ACSS3: variants seen among roughly 807,000 people sequenced by gnomAD.
The protein encoded by ACSS3 is acyl-CoA synthetase short chain family member 3.
In ACSS3, 64 loss-of-function variants were observed where a neutral mutation model predicts 84.2. The ratio of observed to expected loss-of-function variants is 0.76; its 90% CI spans 0.62 to 0.94. The LOEUF (loss-of-function observed/expected upper bound fraction) is 0.94. Ranked by LOEUF, ACSS3 falls within the 40% of genes least tolerant of loss-of-function variation. The pLI is 0.00. For synonymous variants in ACSS3, 317 were observed against 310.1 expected, an observed-to-expected ratio of 1.02 and a Z score of -0.23; for missense variants, 815 against 867.6, an observed-to-expected ratio of 0.94 and a Z score of 0.76.
intron 1 of ACSS3, among the ~76,000 whole-genome samples, chr12:81,084,014 G>C (rs1437270215): frequency 1.3e-5 from 2 of 152,108 alleles, no homozygotes; most frequent in African/African-American, 4.8e-5. Flanking sequence ...CGATGGGTCA[G>C]TATTCCTGCA....
chr12:81,159,323 A>G (rs12812264), intron 7 of ACSS3, among the ~76,000 whole-genome samples: 69,730 of 151,914 alleles, frequency 0.46, 16,544 homozygotes, highest in Middle Eastern at 0.53. Flanking sequence ...CCTAGGAAAA[A>G]AGGAACAAAA....
intron 3 of ACSS3, among the ~76,000 whole-genome samples, chr12:81,135,711 T>C (rs906959303): frequency 9.2e-5 from 14 of 151,860 alleles, no homozygotes; most frequent in African/African-American, 2.9e-4. Flanking sequence ...AAACTACCTA[T>C]TGGATACAAT....
At chr12:81,199,471 A>G in intron 9 of ACSS3, 27 bp downstream of exon 9, 1 of 1,590,324 alleles carries the variant, frequency 6.3e-7, no homozygotes, top group Non-Finnish European at 8.6e-7. Context: ...CATGTACATA[A>G]ATAGTAAAGA....
intron 8 of ACSS3, among the ~76,000 whole-genome samples, chr12:81,190,620 T>C (rs2031520329): frequency 6.6e-6 from 1 of 152,024 alleles, no homozygotes; most frequent in African/African-American, 2.4e-5. Context: ...ATTCCTAGGA[T>C]CCTCCAGTAA....
intron 15 of ACSS3, 24 bp downstream of exon 15, chr12:81,253,694 C>A (rs751547376): frequency 6.3e-7 from 1 of 1,598,420 alleles, no homozygotes; most frequent in South Asian, 1.1e-5. Context: ...GATATTTATT[C>A]CTGGGTTCTA....
chr12:81,251,841 TCAAA>T (rs2034165825), intron 13 of ACSS3, among the ~76,000 whole-genome samples: 2 of 151,982 alleles, frequency 1.3e-5, no homozygotes, highest in African/African-American at 4.8e-5. Context: ...AGATCTTGTC[TCAAA>T]CAAATAAACA....
intron 2 of ACSS3, 100 bp from the exon 3 acceptor site, chr12:81,134,716 C>T (rs1885694706): frequency 2.8e-6 from 3 of 1,084,954 alleles, no homozygotes; most frequent in Admixed American, 7.3e-5. Flanking sequence ...CTTTAATCTA[C>T]TACCAAGCGG....
chr12:81,226,837 T>C (rs2033289519), intron 11 of ACSS3, among the ~76,000 whole-genome samples: 1 of 151,870 alleles, frequency 6.6e-6, no homozygotes, highest in African/African-American at 2.4e-5. Flanking sequence ...TCACACCAGC[T>C]TTAGCACTCT....
chr12:81,127,509 G>A (rs1885182042), intron 2 of ACSS3, among the ~76,000 whole-genome samples: 1 of 152,096 alleles, frequency 6.6e-6, no homozygotes, highest in African/African-American at 2.4e-5. Flanking sequence ...AAAGTAAGGT[G>A]CAAGTATTTT....
At chr12:81,164,519 A>G (rs918178749) in intron 7 of ACSS3, among the ~76,000 whole-genome samples, 6 of 152,240 alleles carry the variant, frequency 3.9e-5, no homozygotes, top group Non-Finnish European at 7.3e-5. Context: ...CAAATATGCA[A>G]GTCTCATATT....
intron 1 of ACSS3, among the ~76,000 whole-genome samples, chr12:81,096,734 T>C (rs934755456): frequency 6.6e-6 from 1 of 152,054 alleles, no homozygotes; most frequent in Non-Finnish European, 1.5e-5. Flanking sequence ...TGGTTTTCTG[T>C]TCCTGTGTTA....
intron 1 of ACSS3, among the ~76,000 whole-genome samples, chr12:81,094,004 T>C (rs1461167766): frequency 2.0e-5 from 3 of 152,312 alleles, no homozygotes; most frequent in East Asian, 3.9e-4. Context: ...TTATTTTTAA[T>C]GTATACAGAA....
At chr12:81,092,252 A>C (rs7968802) in intron 1 of ACSS3, among the ~76,000 whole-genome samples, 11,206 of 152,154 alleles carry the variant, frequency 0.074, 704 homozygotes, top group East Asian at 0.2. Flanking sequence ...ACCAGGCACT[A>C]TTCCAGGTGC....
chr12:81,156,842 C>T (rs1886898870), intron 7 of ACSS3, among the ~76,000 whole-genome samples: 1 of 152,132 alleles, frequency 6.6e-6, no homozygotes, highest in Admixed American at 6.5e-5. Context: ...GATGGTTTTA[C>T]TGGAAAATTC....
At chr12:81,225,464 G>A (rs1308970756) in intron 11 of ACSS3, among the ~76,000 whole-genome samples, 1 of 151,880 alleles carries the variant, frequency 6.6e-6, no homozygotes, top group Non-Finnish European at 1.5e-5. Flanking sequence ...TTTTCTGAGA[G>A]CATCTCAAAA....
At chr12:81,201,018 A>G (rs2032083131) in intron 9 of ACSS3, among the ~76,000 whole-genome samples, 1 of 152,204 alleles carries the variant, frequency 6.6e-6, no homozygotes, top group African/African-American at 2.4e-5. Context: ...AAAATCAGAA[A>G]GAAGCTTTCT....
At chr12:81,225,182 A>G (rs1436723130) in intron 11 of ACSS3, among the ~76,000 whole-genome samples, 1 of 151,202 alleles carries the variant, frequency 6.6e-6, no homozygotes, top group Non-Finnish European at 1.5e-5. Context: ...GTGTTTCTGT[A>G]TGTGTGTGTC....
chr12:81,207,327 T>G (rs1565720455), intron 9 of ACSS3, among the ~76,000 whole-genome samples: 1 of 152,274 alleles, frequency 6.6e-6, no homozygotes, highest in Non-Finnish European at 1.5e-5. Context: ...TCTTTTGCTG[T>G]GAATTTTAAT....
intron 13 of ACSS3, 115 bp downstream of exon 13, chr12:81,233,586 A>G: frequency 1.5e-6 from 2 of 1,335,114 alleles, no homozygotes; most frequent in South Asian, 1.4e-5. Context: ...TTTGCAGCAG[A>G]GGCTAGGTTA....
Sources: allele counts gnomAD v4.1 joint callset (sites outside exome capture counted in the v4.1 genomes callset), GRCh38; gene constraint gnomAD v4.1.1; transcripts MANE v1.5; gene names NCBI Gene and HGNC (gene_info 2026-07-23, HGNC 2026-07-21).